Variants in CCDC138 observed in about 807,000 individuals in gnomAD.
CCDC138 encodes the protein coiled-coil domain-containing protein 138.
In CCDC138, 66 loss-of-function variants were observed where a neutral mutation model predicts 82.3. That is an observed-to-expected ratio of 0.80 (90% confidence interval 0.66 to 0.98). CCDC138 has a LOEUF of 0.98. Among genes scored for constraint, CCDC138 ranks in the 50% least tolerant of loss-of-function variants. The pLI is 0.00. For missense variants in CCDC138, 816 were observed against 758.9 expected (o/e 1.08, Z -0.88); for synonymous variants, 297 against 265.4 (o/e 1.12, Z -1.16).
At chr2:108,843,232 A>G (rs1480770753) in intron 11 of CCDC138, among the ~76,000 whole-genome samples, 2 of 152,078 alleles carry the variant, frequency 1.3e-5, no homozygotes, top group Non-Finnish European at 2.9e-5. Flanking sequence ...ATCTTGGCTC[A>G]CTGCAACCTC....
intron 5 of CCDC138, among the ~76,000 whole-genome samples, chr2:108,796,793 A>T (rs1448459918): frequency 6.6e-6 from 1 of 152,144 alleles, no homozygotes; most frequent in African/African-American, 2.4e-5. Flanking sequence ...AGAAATAGAG[A>T]TGGAATGGTG....
chr2:108,834,530 A>G (rs894242393), intron 10 of CCDC138, among the ~76,000 whole-genome samples: 3 of 152,166 alleles, frequency 2.0e-5, no homozygotes, highest in Non-Finnish European at 4.4e-5. Flanking sequence ...ATGTCTTTTT[A>G]TACACTAAGT....
chr2:108,803,606 G>C (rs924822517), intron 6 of CCDC138, among the ~76,000 whole-genome samples: 1 of 152,154 alleles, frequency 6.6e-6, no homozygotes, highest in Non-Finnish European at 1.5e-5. Context: ...TGCCCAGCTA[G>C]TGGAAGTTTT....
At chr2:108,835,392 A>G (rs1224429877) in intron 10 of CCDC138, among the ~76,000 whole-genome samples, 1 of 152,244 alleles carries the variant, frequency 6.6e-6, no homozygotes, top group Non-Finnish European at 1.5e-5. Context: ...TGTTAGGGCC[A>G]GTAAGGATAT....
intron 7 of CCDC138, among the ~76,000 whole-genome samples, chr2:108,808,940 A>T (rs924009337): frequency 6.6e-6 from 1 of 152,034 alleles, no homozygotes; most frequent in African/African-American, 2.4e-5. Context: ...TAGTAGTTGC[A>T]TAGTTTTGGG....
intron 10 of CCDC138, among the ~76,000 whole-genome samples, chr2:108,835,435 A>G (rs1470804287): frequency 6.6e-6 from 1 of 152,216 alleles, no homozygotes; most frequent in Non-Finnish European, 1.5e-5. Context: ...AAATTCATGG[A>G]ACTGTTGATG....
intron 12 of CCDC138, 78 bp downstream of exon 12, chr2:108,847,008 A>G (rs2150634625): frequency 1.2e-6 from 1 of 801,896 alleles, no homozygotes. Context: ...TCTTTTATCA[A>G]ATATGTTGTA....
downstream of CCDC138, among the ~76,000 whole-genome samples, chr2:108,877,589 CAG>C (rs1226853570): frequency 1.5e-5 from 1 of 65,618 alleles, no homozygotes; most frequent in Admixed American, 2.2e-4. Context: ...TCTCGGAACT[CAG>C]AGTATATAGA....
chr2:108,839,323 A>G, intron 11 of CCDC138, 22 bp downstream of exon 11: 1 of 1,588,750 alleles, frequency 6.3e-7, no homozygotes, highest in African/African-American at 1.3e-5. Flanking sequence ...ATAGGAATTT[A>G]TCTATAAGTA....
intron 4 of CCDC138, among the ~76,000 whole-genome samples, chr2:108,793,489 A>G (rs1680293216): frequency 6.6e-6 from 1 of 152,222 alleles, no homozygotes; most frequent in African/African-American, 2.4e-5. Context: ...TGATACAGCC[A>G]CTTTGGAAAA....
chr2:108,805,789 T>C (rs1000083705), intron 7 of CCDC138, among the ~76,000 whole-genome samples: 3 of 152,140 alleles, frequency 2.0e-5, no homozygotes, highest in Non-Finnish European at 4.4e-5. Flanking sequence ...TAAATAGTTT[T>C]GTGAGTTATG....
intron 13 of CCDC138, among the ~76,000 whole-genome samples, chr2:108,867,591 A>G (rs141214688): frequency 1.3e-5 from 2 of 152,262 alleles, no homozygotes; most frequent in East Asian, 1.9e-4. Flanking sequence ...TCTTGAGTGC[A>G]TTTCACACCA....
intron 4 of CCDC138, among the ~76,000 whole-genome samples, chr2:108,792,343 T>C (rs1204945665): frequency 6.6e-5 from 10 of 152,244 alleles, no homozygotes; most frequent in Non-Finnish European, 1.3e-4. Flanking sequence ...CCCATTATTC[T>C]CATCATTTGA....
intron 5 of CCDC138, among the ~76,000 whole-genome samples, chr2:108,796,819 G>A (rs1156716399): frequency 6.6e-6 from 1 of 152,170 alleles, no homozygotes; most frequent in South Asian, 2.1e-4. Context: ...CAGAGGCTGG[G>A]AGGGGAAGGG....
At chr2:108,871,419 G>A (rs1311677827) in intron 13 of CCDC138, among the ~76,000 whole-genome samples, 1 of 150,856 alleles carries the variant, frequency 6.6e-6, no homozygotes, top group Admixed American at 6.6e-5. Context: ...TGGGCATGAT[G>A]GTGTGTGCCT....
chr2:108,843,876 G>GTGTGTGTGTGTGTGTGT (rs1187530203), intron 11 of CCDC138, among the ~76,000 whole-genome samples: 2 of 13,870 alleles, frequency 1.4e-4, no homozygotes, highest in Non-Finnish European at 5.6e-4. Flanking sequence ...GTGTGTGTGT[G>GTGTGTGTGTGTGTGTGT]TGTTTCTTTC....
At chr2:108,850,714 G>A (rs1259910315) in intron 12 of CCDC138, among the ~76,000 whole-genome samples, 2 of 152,154 alleles carry the variant, frequency 1.3e-5, no homozygotes, top group Admixed American at 1.3e-4. Context: ...ACCTCCCAAA[G>A]TGCTGGGATT....
At chr2:108,826,349 TA>T (rs1345794688) in intron 10 of CCDC138, among the ~76,000 whole-genome samples, 1 of 152,208 alleles carries the variant, frequency 6.6e-6, no homozygotes, top group African/African-American at 2.4e-5. Context: ...CACAAAGATT[TA>T]TCTGTATGTT....
At chr2:108,820,971 G>A (rs4676208) in intron 10 of CCDC138, among the ~76,000 whole-genome samples, 121,885 of 152,150 alleles carry the variant, frequency 0.8, 49,091 homozygotes, top group East Asian at 0.95. Context: ...ATCCTGGTAT[G>A]TAAGTTGATT....
Sources: gnomAD v4.1 joint callset for allele counts (sites outside exome capture counted in the v4.1 genomes callset) on GRCh38, gnomAD v4.1.1 for gene constraint, MANE v1.5 for transcripts, NCBI Gene and HGNC (gene_info 2026-07-23, HGNC 2026-07-21) for gene names.